The following EFHB variants were observed in gnomAD, a reference collection of about 807,000 sequenced individuals.
EFHB encodes EF-hand domain family member B.
In EFHB, 91 loss-of-function variants were observed where a neutral mutation model predicts 87.2. The observed-to-expected ratio is 1.04, with a 90% confidence interval of 0.88 to 1.24. The LOEUF is 1.24. Ranked by LOEUF, EFHB falls within the 50% of genes most tolerant of loss-of-function variation. The pLI is 0.00. For missense variants in EFHB, 1,084 were observed against 998.8 expected, an observed-to-expected ratio of 1.09 and a Z score of -1.15; for synonymous variants, 325 against 333.6, an observed-to-expected ratio of 0.97 and a Z score of 0.28.
At chr3:19,914,502 C>T (rs13099871) in intron 5 of EFHB, among the ~76,000 whole-genome samples, 31,796 of 151,832 alleles carry the variant, frequency 0.21, 3,770 homozygotes, top group Middle Eastern at 0.27. Context: ...TCTAGTAATA[C>T]GCTACTAGAC....
At chr3:19,944,114 T>C (rs1696219532) in intron 1 of EFHB, among the ~76,000 whole-genome samples, 1 of 152,180 alleles carries the variant, frequency 6.6e-6, no homozygotes, top group Non-Finnish European at 1.5e-5. Flanking sequence ...TACGCCAATG[T>C]TAGAGTTACC....
intron 1 of EFHB, among the ~76,000 whole-genome samples, chr3:19,921,773 A>AT (rs1007335299): frequency 4.0e-5 from 6 of 151,648 alleles, no homozygotes; most frequent in South Asian, 2.1e-4. Flanking sequence ...ATATAGTGAG[A>AT]TTTTTTTTAA....
At chr3:19,940,284 T>C (rs188799722) in intron 1 of EFHB, 154 of 271,822 alleles carry the variant, frequency 5.7e-4, no homozygotes, top group African/African-American at 3.2e-3. Context: ...TGTTGGGCCC[T>C]GAGAAAGCAC....
chr3:19,934,464 T>A (rs1193112309), upstream of EFHB, among the ~76,000 whole-genome samples: 1 of 150,338 alleles, frequency 6.7e-6, no homozygotes. Flanking sequence ...TCTGTGTGTC[T>A]CTCTCTCTTG....
intron 10 of EFHB, among the ~76,000 whole-genome samples, chr3:19,884,879 C>A (rs1314720847): frequency 4.7e-5 from 7 of 147,518 alleles, no homozygotes; most frequent in South Asian, 2.1e-4. Context: ...ATATGAGAGA[C>A]CAAATGTAAA....
chr3:19,945,237 T>C (rs956473194), intron 1 of EFHB, among the ~76,000 whole-genome samples: 5 of 152,032 alleles, frequency 3.3e-5, no homozygotes, highest in African/African-American at 1.2e-4. Flanking sequence ...ATAAAGAGTA[T>C]GGGGAGAGGA....
intron 2 of EFHB, 73 bp downstream of exon 2, chr3:19,920,432 T>C (rs1695398199): frequency 1.6e-6 from 2 of 1,270,510 alleles, no homozygotes; most frequent in Non-Finnish European, 2.2e-6. Flanking sequence ...ATAAGGAACG[T>C]TGAGTTGCCT....
intron 5 of EFHB, among the ~76,000 whole-genome samples, chr3:19,914,291 TC>T (rs1326790238): frequency 6.6e-6 from 1 of 152,126 alleles, no homozygotes; most frequent in Non-Finnish European, 1.5e-5. Context: ...ATGAAATTTT[TC>T]AAACGTGAAT....
chr3:19,895,099 T>C (rs1361158654), intron 9 of EFHB: 2 of 148,552 alleles, frequency 1.3e-5, no homozygotes, highest in Non-Finnish European at 3.0e-5. Flanking sequence ...TATATCAACA[T>C]ATATTTATAT....
intron 4 of EFHB, among the ~76,000 whole-genome samples, chr3:19,917,091 C>A (rs1384133054): frequency 6.6e-6 from 1 of 151,858 alleles, no homozygotes; most frequent in Non-Finnish European, 1.5e-5. Context: ...AAAGAAGAGG[C>A]AGGGAATAGT....
intron 2 of EFHB, 78 bp downstream of exon 2, chr3:19,920,427 G>T: frequency 1.7e-6 from 2 of 1,194,278 alleles, no homozygotes; most frequent in South Asian, 1.4e-5. Context: ...CTTTCATAAG[G>T]AACGTTGAGT....
rs1695402645 is a variant in EFHB, at chr3:19,920,545, C to T, written c.812G>A (p.Gly271Asp). ...WPSAGKVIPV[G>D]YRVATCLTEK... is the part of the protein sequence containing the mutation. ...AGTCAAGCAGGTTGCAACTCTGTAA[C>T]CAACTGGAATAACTTTTCCTGCCTT... Residue 271 changes from glycine to aspartate, a missense_variant, in exon 2 of 13, where the codon GGT becomes GAT. Transcript: ENST00000295824. 15 of 1,602,670 alleles carry T rather than the reference C, an allele frequency of 9.4e-6. No homozygotes were observed. Among genetic ancestry groups the T allele is most frequent in the Non-Finnish European group, 1.3e-5 (15 of 1,175,926 alleles).
chr3:19,911,383 G>A (rs1403743996), intron 5 of EFHB, among the ~76,000 whole-genome samples: 1 of 151,924 alleles, frequency 6.6e-6, no homozygotes, highest in African/African-American at 2.4e-5. Context: ...CCAACATGGT[G>A]AAACCCCATC....
intron 8 of EFHB, among the ~76,000 whole-genome samples, chr3:19,898,250 GT>G: frequency 6.6e-6 from 1 of 152,300 alleles, no homozygotes; most frequent in South Asian, 2.1e-4. Flanking sequence ...GAAAAGAGTG[GT>G]TCTTAATTAT....
intron 5 of EFHB, among the ~76,000 whole-genome samples, chr3:19,909,831 C>T (rs1046809620): frequency 1.3e-5 from 2 of 152,068 alleles, no homozygotes; most frequent in South Asian, 2.1e-4. Context: ...TAGACACATC[C>T]GGGGCCAAAA....
At chr3:19,902,052 C>G (rs979093333) in intron 6 of EFHB, among the ~76,000 whole-genome samples, 3 of 152,046 alleles carry the variant, frequency 2.0e-5, no homozygotes, top group Non-Finnish European at 4.4e-5. Context: ...TAGTCAAGAA[C>G]TGCCTGGAGT....
chr3:19,918,812 T>TAA (rs58871755), intron 3 of EFHB, among the ~76,000 whole-genome samples: 128 of 129,768 alleles, frequency 9.9e-4, no homozygotes, highest in Admixed American at 2.5e-3. Context: ...CCATAACTAC[T>TAA]AAAAAAAAAA....
intron 1 of EFHB, chr3:19,940,861 G>T: frequency 2.7e-6 from 1 of 366,008 alleles, no homozygotes; most frequent in South Asian, 2.6e-5. Flanking sequence ...TCATAAACCT[G>T]AATAAGCACA....
chr3:19,904,501 G>C (rs532306302), intron 6 of EFHB, among the ~76,000 whole-genome samples: 5 of 152,256 alleles, frequency 3.3e-5, no homozygotes, highest in African/African-American at 1.2e-4. Flanking sequence ...ACCACACCCA[G>C]CCCATTCTTT....
Sources: allele counts gnomAD v4.1 joint callset (sites outside exome capture counted in the v4.1 genomes callset), GRCh38; gene constraint gnomAD v4.1.1; transcripts MANE v1.5; gene names NCBI Gene and HGNC (gene_info 2026-07-23, HGNC 2026-07-21).